The following TAFA5 variants were observed in gnomAD, a reference collection of about 807,000 sequenced individuals.
The protein encoded by TAFA5 is TAFA chemokine like family member 5, also known as chemokine-like protein TAFA-5.
TAFA5 carries 6 observed loss-of-function variants against 15.3 expected under a neutral mutation model. The ratio of observed to expected loss-of-function variants is 0.39; its 90% CI spans 0.21 to 0.77. The LOEUF (loss-of-function observed/expected upper bound fraction) is 0.77, where lower values mean the gene tolerates loss of function less well. TAFA5 is among the 30% of genes least tolerant of loss of function. TAFA5 has a pLI of 0.41. For synonymous variants in TAFA5, 103 were observed against 80.7 expected (o/e 1.28, Z -1.48); for missense variants, 161 against 193.1 (o/e 0.83, Z 0.98).
At position 48,552,224 on chromosome 22, in the gene TAFA5, A is replaced by C. The variant is rs185688776; in HGVS notation, c.112+62520A>C. ...TCTTCTGCTGTGGAGAAGGGTCCACACTTGCCTCCTGTGGGCCAGCTGCCT... is the reference window on the plus strand; with the variant it reads ...TCTTCTGCTGTGGAGAAGGGTCCACCCTTGCCTCCTGTGGGCCAGCTGCCT... On this transcript the variant is annotated intron_variant, in intron 1 of 3. Transcript: ENST00000402357. The surrounding 1 kb of genome is among the most constrained non-coding windows in gnomAD (Gnocchi z 4.1). Among the ~76,000 whole-genome samples, 1,422 of 152,138 alleles carry C rather than the reference A, an allele frequency of 9.3e-3. 14 individuals carry two copies. The highest frequency in any genetic ancestry group is 0.015 in the Non-Finnish European group (1,042 of 67,980).
At chr22:48,697,785 GTGA>G (rs1928764419) in intron 2 of TAFA5, among the ~76,000 whole-genome samples, 1 of 110,306 alleles carries the variant, frequency 9.1e-6, no homozygotes. Flanking sequence ...AATGATGATG[GTGA>G]TGATGATGGT....
intron 1 of TAFA5, among the ~76,000 whole-genome samples, chr22:48,555,185 A>G (rs1922991255): frequency 6.6e-6 from 1 of 152,178 alleles, no homozygotes; most frequent in Non-Finnish European, 1.5e-5. Flanking sequence ...TGCCGAGTGA[A>G]GGGAGGGAGG....
intron 1 of TAFA5, among the ~76,000 whole-genome samples, chr22:48,623,751 G>A (rs908167282): frequency 1.3e-5 from 2 of 152,256 alleles, no homozygotes; most frequent in African/African-American, 4.8e-5. Context: ...ACGTCAGAAA[G>A]CCTATTGCCC....
At chr22:48,543,000 G>A (rs1375608224) in intron 1 of TAFA5, among the ~76,000 whole-genome samples, 7 of 151,892 alleles carry the variant, frequency 4.6e-5, no homozygotes, top group Admixed American at 1.3e-4. Flanking sequence ...GGTGTGTAGT[G>A]TGTGGAGAAG....
At chr22:48,539,274 G>A in intron 1 of TAFA5, 1 of 446,860 alleles carries the variant, frequency 2.2e-6, no homozygotes, top group South Asian at 1.6e-5. Context: ...GAGGTGGCCA[G>A]AAAGACCCTG....
intron 2 of TAFA5, among the ~76,000 whole-genome samples, chr22:48,691,923 C>T (rs918372239): frequency 6.6e-6 from 1 of 152,140 alleles, no homozygotes; most frequent in Non-Finnish European, 1.5e-5. Flanking sequence ...CTGAGACAGC[C>T]CCCCTTGGAT....
At chr22:48,544,980 C>T (rs551948374) in intron 1 of TAFA5, 10 of 430,524 alleles carry the variant, frequency 2.3e-5, no homozygotes, top group East Asian at 2.2e-4. Flanking sequence ...GGGCAGCAGC[C>T]GCCTCTCCTT....
intron 2 of TAFA5, among the ~76,000 whole-genome samples, chr22:48,663,287 AGTTGGGG>A (rs2147215909): frequency 6.6e-6 from 1 of 152,308 alleles, no homozygotes; most frequent in East Asian, 1.9e-4. Flanking sequence ...CAGACCCTGC[AGTTGGGG>A]GCACTAGAGT....
intron 2 of TAFA5, among the ~76,000 whole-genome samples, chr22:48,678,406 C>T (rs770322342): frequency 1.2e-4 from 18 of 152,206 alleles, no homozygotes; most frequent in Non-Finnish European, 2.5e-4. Context: ...CAAATCCATC[C>T]ATGTGTCTCA....
At chr22:48,650,728 G>T (rs1424472904) in intron 2 of TAFA5, among the ~76,000 whole-genome samples, 1 of 152,134 alleles carries the variant, frequency 6.6e-6, no homozygotes, top group Non-Finnish European at 1.5e-5. Context: ...GGAACCATCA[G>T]TGAAAGATTC....
At chr22:48,734,797 A>T (rs555793046) in intron 3 of TAFA5, among the ~76,000 whole-genome samples, 11 of 152,336 alleles carry the variant, frequency 7.2e-5, no homozygotes, top group East Asian at 1.9e-4. Context: ...ATCAGTGAGG[A>T]TGGGACAGGG....
intron 1 of TAFA5, among the ~76,000 whole-genome samples, chr22:48,497,207 C>A (rs551604390): frequency 2.7e-4 from 41 of 152,350 alleles, no homozygotes; most frequent in African/African-American, 8.9e-4. Flanking sequence ...TGTTCCAGGC[C>A]GCGCCTCCCT....
chr22:48,721,331 C>A lies in TAFA5; in HGVS notation c.390+13487C>A, dbSNP rs575630646. Among the ~76,000 whole-genome samples the A allele has an allele frequency of 8.7e-4, 132 of 152,308 alleles. 2 individuals are homozygous for A. The highest frequency in any genetic ancestry group is 6.9e-3 in the Admixed American group (105 of 15,306). ...CCTTCATGCCACCCACTGCCTTCGT[C>A]CCGCCCGCTGCGTGTGACCTCAGAT... On this transcript the variant is annotated intron_variant, in intron 3 of 3. Transcript: ENST00000402357.
chr22:48,707,086 C>G (rs961492550), intron 2 of TAFA5, among the ~76,000 whole-genome samples: 10 of 152,184 alleles, frequency 6.6e-5, no homozygotes, highest in African/African-American at 2.4e-4. Context: ...ATCACAAGGA[C>G]TCACATCCTT....
chr22:48,585,218 G>C (rs770027399), intron 1 of TAFA5, among the ~76,000 whole-genome samples: 210 of 86,266 alleles, frequency 2.4e-3, no homozygotes, highest in Non-Finnish European at 3.4e-3. Flanking sequence ...CACACACACA[G>C]AAACCCACAA....
rs148678442 is a variant in TAFA5, at chr22:48,672,270, G to A, written c.262+25524G>A. The stretch of plus-strand genomic sequence containing the variant: ...TCATACTTCTGCTGCTTGCATCTGC[G>A]TGCAATACAACAGTCCACTTCAATT... On this transcript the variant is annotated intron_variant, in intron 2 of 3. Coordinates refer to ENST00000402357, the MANE Select transcript of TAFA5 (RefSeq NM_001082967.3). 1.1e-3 allele frequency among the ~76,000 whole-genome samples: 166 copies of A among 152,274 alleles called. 3 individuals are homozygous for A. In the South Asian group the frequency reaches 0.015, roughly 14 times the overall value.
At chr22:48,569,606 G>A (rs1290174664) in intron 1 of TAFA5, among the ~76,000 whole-genome samples, 2 of 152,174 alleles carry the variant, frequency 1.3e-5, no homozygotes, top group African/African-American at 4.8e-5. Context: ...CATGGTGCCC[G>A]TGGAAGCCAC....
chr22:48,707,819 C>G lies in TAFA5; in HGVS notation c.365C>G (p.Pro122Arg), dbSNP rs759247533. ...CGGTCAGGCTGGACGTGCACGCAGC[C>G]CGGCGGGAGGATAAAGACCACCACG... The part of the protein sequence containing the change: ...INRSGWTCTQ[P>R]GGRIKTTTVS Residue 122 changes from proline (P) to arginine (R), a missense_variant, in exon 3 of 4, where the codon CCC becomes CGC. Coordinates refer to ENST00000402357, the MANE Select transcript of TAFA5 (RefSeq NM_001082967.3). 11 of 1,613,640 alleles carry G rather than the reference C, an allele frequency of 6.8e-6. No individual in the cohort carries two copies. The highest frequency in any genetic ancestry group is 1.7e-4 in the Middle Eastern group (1 of 6,060).
rs543508340 is a variant in TAFA5 at position 48,489,585 on chromosome 22, C to T, written c.-8C>T. 1.5e-5 allele frequency: 21 copies of T among 1,444,222 alleles called. No individual in the cohort carries two copies. The highest frequency in any genetic ancestry group is 3.9e-5 in the South Asian group (3 of 76,168). 89.5% of individuals were successfully genotyped at this position (1,444,222 alleles called of 1,614,324 possible). On this transcript the variant is annotated 5_prime_UTR_variant, in exon 1 of 4. Transcript: ENST00000402357. This position sits in a 1 kb window ranked among gnomAD's most constrained non-coding sequence, Gnocchi z 5.5. ...GCTGCTGCCCCCCGCGCGGGCGCCG[C>T]GGCTTCAATGGCGCCATCGCCCAGG...
Sources: gnomAD v4.1 joint callset for allele counts (sites outside exome capture counted in the v4.1 genomes callset) on GRCh38, gnomAD v4.1.1 for gene constraint, Gnocchi (gnomAD v3.1) non-coding constraint, MANE v1.5 for transcripts, NCBI Gene and HGNC (gene_info 2026-07-23, HGNC 2026-07-21) for gene names.